The following SUGCT variants were observed in gnomAD, a reference collection of about 807,000 sequenced individuals.
SUGCT encodes the protein succinyl-CoA:glutarate CoA-transferase.
SUGCT carries 41 observed loss-of-function variants against 55.0 expected under a neutral mutation model. The ratio of observed to expected loss-of-function variants is 0.74; its 90% CI spans 0.58 to 0.97. The LOEUF (loss-of-function observed/expected upper bound fraction) is 0.97, where lower values mean the gene tolerates loss of function less well. Ranked by LOEUF, SUGCT falls within the 50% of genes least tolerant of loss-of-function variation. SUGCT has a pLI of 0.00. For synonymous variants in SUGCT, 187 were observed against 200.4 expected (o/e 0.93, Z 0.56); for missense variants, 568 against 547.8 (o/e 1.04, Z -0.37).
rs199983658 is a variant in SUGCT, at chr7:40,165,753, C to T, written c.101-15194C>T. Among the ~76,000 whole-genome samples the T allele has an allele frequency of 2.6e-5, 4 of 151,992 alleles. No homozygotes were observed. The East Asian group carries it at 7.7e-4, about 29-fold the overall frequency. ...TCATATGTTTATCTTTTCTTGTTTTCAAACAAGAAGTTATTTGCTGTAATA... is the reference window on the plus strand; with the variant it reads ...TCATATGTTTATCTTTTCTTGTTTTTAAACAAGAAGTTATTTGCTGTAATA... On this transcript the variant is annotated intron_variant, in intron 1 of 13. Transcript: ENST00000335693.
chr7:40,789,034 G>C (rs1282701647), intron 13 of SUGCT, among the ~76,000 whole-genome samples: 1 of 152,158 alleles, frequency 6.6e-6, no homozygotes, highest in African/African-American at 2.4e-5. Context: ...TTAGGATCCT[G>C]GTGACAGGGT....
intron 9 of SUGCT, among the ~76,000 whole-genome samples, chr7:40,447,002 A>G (rs975117707): frequency 6.6e-6 from 1 of 152,174 alleles, no homozygotes; most frequent in Non-Finnish European, 1.5e-5. Flanking sequence ...ATAGTGCACA[A>G]TTCAGTGATT....
At chr7:40,576,755 A>G (rs1399811887) in intron 12 of SUGCT, among the ~76,000 whole-genome samples, 2 of 152,214 alleles carry the variant, frequency 1.3e-5, no homozygotes, top group East Asian at 1.9e-4. Context: ...ATATCAATAT[A>G]TGAAACAGAG....
intron 1 of SUGCT, among the ~76,000 whole-genome samples, chr7:40,169,588 G>A (rs1784577419): frequency 6.6e-6 from 1 of 152,150 alleles, no homozygotes; most frequent in Non-Finnish European, 1.5e-5. Flanking sequence ...ATGGACGAAG[G>A]GGAGGCTTAT....
intron 12 of SUGCT, among the ~76,000 whole-genome samples, chr7:40,689,444 A>G (rs1273547907): frequency 6.6e-6 from 1 of 152,260 alleles, no homozygotes; most frequent in Non-Finnish European, 1.5e-5. Flanking sequence ...CAAGAGGATT[A>G]TCGTGGGTAA....
At chr7:40,897,392 T>C in the SUGCT span, among the ~76,000 whole-genome samples, 1 of 151,556 alleles carries the variant, frequency 6.6e-6, no homozygotes, top group African/African-American at 2.4e-5. Flanking sequence ...TTTAAATATA[T>C]ACAATTTTTG....
At chr7:40,291,232 A>G (rs1338799631) in intron 8 of SUGCT, among the ~76,000 whole-genome samples, 4 of 152,062 alleles carry the variant, frequency 2.6e-5, no homozygotes, top group Non-Finnish European at 5.9e-5. Context: ...ACTATTCACA[A>G]TAGCAAAGAC....
chr7:40,934,722 T>C, the SUGCT span, among the ~76,000 whole-genome samples: 1 of 152,168 alleles, frequency 6.6e-6, no homozygotes, highest in Non-Finnish European at 1.5e-5. Flanking sequence ...TGAGCAAGGC[T>C]CCATGGGTGT....
intron 12 of SUGCT, among the ~76,000 whole-genome samples, chr7:40,732,160 G>A (rs1480953473): frequency 6.6e-6 from 1 of 152,166 alleles, no homozygotes; most frequent in Non-Finnish European, 1.5e-5. Context: ...GAAGGCTTTA[G>A]GGGAGAATCT....
chr7:40,849,424 A>G (rs1421001952), intron 13 of SUGCT, among the ~76,000 whole-genome samples: 1 of 152,174 alleles, frequency 6.6e-6, no homozygotes, highest in Non-Finnish European at 1.5e-5. Context: ...GAAATGCATC[A>G]TTAGGATGGA....
chr7:40,304,634 T>C (rs1445479385), intron 8 of SUGCT, among the ~76,000 whole-genome samples: 1 of 151,082 alleles, frequency 6.6e-6, no homozygotes, highest in Non-Finnish European at 1.5e-5. Flanking sequence ...ATCATTCTTA[T>C]GTCTTTGCAT....
At chr7:40,912,733 G>T in the SUGCT span, among the ~76,000 whole-genome samples, 1 of 136,424 alleles carries the variant, frequency 7.3e-6, no homozygotes. Context: ...AGTAGTCTGT[G>T]TTCTGAAAGA....
intron 12 of SUGCT, among the ~76,000 whole-genome samples, chr7:40,557,589 G>T (rs550538015): frequency 2.0e-5 from 3 of 151,902 alleles, no homozygotes; most frequent in Non-Finnish European, 4.4e-5. Context: ...CCTGGCCAAC[G>T]TAGTGAAACC....
At chr7:41,001,695 T>A in the SUGCT span, among the ~76,000 whole-genome samples, 1 of 152,190 alleles carries the variant, frequency 6.6e-6, no homozygotes, top group Non-Finnish European at 1.5e-5. Context: ...GGTCTTTTTC[T>A]TTATAAGGGC....
At chr7:40,952,376 C>T in the SUGCT span, among the ~76,000 whole-genome samples, 5 of 151,298 alleles carry the variant, frequency 3.3e-5, no homozygotes, top group South Asian at 1.1e-3. Context: ...TTCCTGAATA[C>T]AGCACACTGA....
intron 9 of SUGCT, among the ~76,000 whole-genome samples, chr7:40,373,948 A>G (rs910775803): frequency 3.3e-5 from 5 of 152,172 alleles, no homozygotes; most frequent in African/African-American, 1.2e-4. Flanking sequence ...GTCAATTACT[A>G]GAACCCCTAT....
chr7:40,855,042 C>G (rs938108099), intron 13 of SUGCT, among the ~76,000 whole-genome samples: 2 of 150,544 alleles, frequency 1.3e-5, no homozygotes, highest in African/African-American at 4.9e-5. Flanking sequence ...AAAAAAAAGA[C>G]TAGTTTCCAC....
chr7:40,909,231 A>G, the SUGCT span, among the ~76,000 whole-genome samples: 1 of 152,182 alleles, frequency 6.6e-6, no homozygotes, highest in Non-Finnish European at 1.5e-5. Flanking sequence ...AGCTCTGCCA[A>G]GGACAGGCCA....
chr7:40,949,843 T>C, the SUGCT span, among the ~76,000 whole-genome samples: 14 of 152,340 alleles, frequency 9.2e-5, no homozygotes, highest in African/African-American at 3.1e-4. Context: ...TACCATGCTG[T>C]TTTGGTTACT....
Sources: gnomAD v4.1 joint callset for allele counts (sites outside exome capture counted in the v4.1 genomes callset) on GRCh38, gnomAD v4.1.1 for gene constraint, MANE v1.5 for transcripts, NCBI Gene and HGNC (gene_info 2026-07-23, HGNC 2026-07-21) for gene names.